Variants in NOL9 observed in about 807,000 individuals in gnomAD.
The protein encoded by NOL9 is nucleolar protein 9, also known as polynucleotide 5'-hydroxyl-kinase NOL9.
Under a neutral mutation model 67.9 loss-of-function variants are expected in NOL9, and 28 were observed. The ratio of observed to expected loss-of-function variants is 0.41; its 90% CI spans 0.31 to 0.57. The LOEUF (loss-of-function observed/expected upper bound fraction) is 0.57. NOL9 is among the 20% of genes least tolerant of loss of function. The pLI, the probability that NOL9 is intolerant of heterozygous loss-of-function variation, is 0.25. For synonymous variants in NOL9, 356 were observed against 352.2 expected (o/e 1.01, Z -0.12); for missense variants, 777 against 897.0 (o/e 0.87, Z 1.71).
intron 5 of NOL9, among the ~76,000 whole-genome samples, chr1:6,542,876 G>GCTAA (rs1639330012): frequency 6.6e-6 from 1 of 152,114 alleles, no homozygotes; most frequent in South Asian, 2.1e-4. Context: ...ACAGGCATGA[G>GCTAA]CTAACACTCA....
chr1:6,545,102 G>A lies in NOL9; in HGVS notation c.823C>T (p.Leu275Phe). 1.2e-6 allele frequency: 2 copies of A among 1,614,200 alleles called. No homozygotes were observed. The highest frequency in any genetic ancestry group is 1.7e-6 in the Non-Finnish European group (2 of 1,180,030). ...GIRREKKRKG[L>F]QLTESTLSAL... ...GAAAGGGTACTCTCAGTTAACTGAAGGCCTTTCCTTTTTTTCTCTCTTCTG... is the reference window on the plus strand; with the variant it reads ...GAAAGGGTACTCTCAGTTAACTGAAAGCCTTTCCTTTTTTTCTCTCTTCTG... Residue 275 changes from leucine to phenylalanine, a missense_variant, in exon 4 of 12, where the codon CTT becomes TTT. Coordinates refer to ENST00000377705, the MANE Select transcript of NOL9 (RefSeq NM_024654.5).
rs758243274 is a variant in NOL9, at chr1:6,530,170, T to C, written c.1648-999A>G. The stretch of plus-strand genomic sequence containing the variant: ...AACACTTAAATTTAAAAAATAAATG[T>C]GGGCCGGGTGCAGAGGACACGCCTG... On this transcript the variant is annotated intron_variant, in intron 9 of 11. Transcript: ENST00000377705. 7.8e-4 allele frequency among the ~76,000 whole-genome samples: 119 copies of C among 152,060 alleles called. 1 individual carries two copies. The highest frequency in any genetic ancestry group is 9.9e-4 in the Non-Finnish European group (67 of 67,960).
rs1030398975 is a variant in NOL9, at chr1:6,521,455, C to G, written c.*4399G>C. On this transcript the variant is annotated 3_prime_UTR_variant, in exon 12 of 12. Coordinates refer to ENST00000377705, the MANE Select transcript of NOL9 (RefSeq NM_024654.5). ...AAATACACACACACACAGCAGAACC[C>G]CAGCTGAGACACCTCACAGTGTCAG... is the stretch of plus-strand genomic sequence containing the variant. The G allele has an allele frequency of 1.3e-5, 2 of 152,170 alleles. No homozygotes were observed. The highest frequency in any genetic ancestry group is 4.8e-5 in the African/African-American group (2 of 41,444). The allele number at this position is 152,170 out of a possible 1,614,324, so 9.4% of individuals were successfully genotyped here.
chr1:6,554,338 G>A lies in NOL9; in HGVS notation c.165C>T (p.Ala55=). ...RRRLRWRLLQ[A]QASGVDWREG... Reference sequence around the variant, plus strand: ...CCCTCCAGTCCACGCCGGACGCCTGGGCTTGCAGTAACCGCCACCGTAGGC... The same window carrying A: ...CCCTCCAGTCCACGCCGGACGCCTGAGCTTGCAGTAACCGCCACCGTAGGC... The change falls in exon 1 of 12, where the codon GCC becomes GCT. Residue 55 remains alanine, a synonymous_variant. Coordinates refer to ENST00000377705, the MANE Select transcript of NOL9 (RefSeq NM_024654.5). 1.4e-6 allele frequency: 2 copies of A among 1,461,994 alleles called. No homozygotes were observed. Among genetic ancestry groups the A allele is most frequent in the Non-Finnish European group, 1.8e-6 (2 of 1,113,744 alleles). The allele number at this position is 1,461,994 out of a possible 1,614,324, so 90.6% of individuals were successfully genotyped here. A position where few individuals can be genotyped will look rare whatever the true frequency, so the allele number is the denominator to read the frequency against.
rs567303256 is a variant in NOL9, at chr1:6,525,783, G to C, written c.*71C>G. Reference sequence around the variant, plus strand: ...ATTCATGGCCATGAAACTCCATCATGTCTCTTGTGGTCAGGCTTGAGACAA... The same window carrying C: ...ATTCATGGCCATGAAACTCCATCATCTCTCTTGTGGTCAGGCTTGAGACAA... On this transcript the variant is annotated 3_prime_UTR_variant, in exon 12 of 12. Transcript: ENST00000377705. 1.3e-4 allele frequency: 205 copies of C among 1,526,182 alleles called. No individual in the cohort carries two copies. In the African/African-American group the frequency reaches 2.4e-3, roughly 18 times the overall value. 94.5% of individuals were successfully genotyped at this position (1,526,182 alleles called of 1,614,324 possible).
rs796928873 is a variant in NOL9, at chr1:6,522,372, A to G, written c.*3482T>C. On this transcript the variant is annotated 3_prime_UTR_variant, in exon 12 of 12. Transcript: ENST00000377705. Reference sequence around the variant, plus strand: ...CGAGACCAGCCTGACCAATAAAGTGAAACGCCATCTCTACTAAAAATACAA... The same window carrying G: ...CGAGACCAGCCTGACCAATAAAGTGGAACGCCATCTCTACTAAAAATACAA... The G allele has an allele frequency of 2.0e-5, 3 of 152,096 alleles. No individual in the cohort carries two copies. The highest frequency in any genetic ancestry group is 7.2e-5 in the African/African-American group (3 of 41,468). The allele number at this position is 152,096 out of a possible 1,614,324, so 9.4% of individuals were successfully genotyped here.
chr1:6,534,286 G>A (rs1639099620), intron 6 of NOL9, among the ~76,000 whole-genome samples: 2 of 152,242 alleles, frequency 1.3e-5, no homozygotes, highest in African/African-American at 4.8e-5. Context: ...AGGTCAGCCA[G>A]TCAGTAAACA....
At position 6,525,997 on chromosome 1, in the gene NOL9, T is replaced by A; in HGVS notation, c.1966A>T (p.Ile656Phe). 1 of 1,613,780 alleles carries A rather than the reference T, an allele frequency of 6.2e-7. No individual in the cohort carries two copies. Among genetic ancestry groups the A allele is most frequent in the South Asian group, 1.1e-5 (1 of 91,066 alleles). The change falls in exon 12 of 12, where the codon ATC becomes TTC. Residue 656 changes from isoleucine to phenylalanine, a missense_variant. By Grantham distance (21) the Ile-to-Phe change is conservative. This residue lies in a region of NOL9 where 413 missense variants were observed against 552.6 expected (regional missense o/e 0.75). Transcript: ENST00000377705. Reference sequence around the variant, plus strand: ...GTGACATAAGGTACTGTCCCTTCGATCCCACGCTGAAACGGAAACACAGAG... The same window carrying A: ...GTGACATAAGGTACTGTCCCTTCGAACCCACGCTGAAACGGAAACACAGAG... Reference protein sequence around the residue: ...PHCVLKCQRGIEGTVPYVTTD... With the variant: ...PHCVLKCQRGFEGTVPYVTTD...
intron 3 of NOL9, 73 bp downstream of exon 3, chr1:6,549,498 T>C: frequency 6.5e-7 from 1 of 1,547,438 alleles, no homozygotes; most frequent in South Asian, 1.2e-5. Flanking sequence ...CAAGACAACA[T>C]CCTACATAGT....
chr1:6,550,733 G>T, intron 1 of NOL9, 118 bp from the exon 2 acceptor site: 2 of 728,204 alleles, frequency 2.7e-6, no homozygotes, highest in Non-Finnish European at 4.4e-6. Context: ...GCCCAGGCTG[G>T]AGTACAATGG....
intron 1 of NOL9, among the ~76,000 whole-genome samples, chr1:6,550,871 C>A (rs1261057490): frequency 6.6e-6 from 1 of 151,988 alleles, no homozygotes; most frequent in African/African-American, 2.4e-5. Flanking sequence ...TTAATAAAGA[C>A]AGGGTTTCTC....
chr1:6,548,795 A>G (rs923459891), intron 3 of NOL9, among the ~76,000 whole-genome samples: 1 of 152,096 alleles, frequency 6.6e-6, no homozygotes, highest in African/African-American at 2.4e-5. Flanking sequence ...AAAAACCCCA[A>G]AAAAGGCCAG....
rs1380537777 is a variant in NOL9, at chr1:6,522,855, G to C, written c.*2999C>G. ...GCCGAGATCACTCCACTGCACCCCAGCCTGGGCGACAGAGCTAGACTCTGT... is the reference window on the plus strand; with the variant it reads ...GCCGAGATCACTCCACTGCACCCCACCCTGGGCGACAGAGCTAGACTCTGT... On this transcript the variant is annotated 3_prime_UTR_variant, in exon 12 of 12. Coordinates refer to ENST00000377705, the MANE Select transcript of NOL9 (RefSeq NM_024654.5). 7.5e-6 allele frequency: 1 copy of C among 133,980 alleles called. No individual in the cohort carries two copies. The highest frequency in any genetic ancestry group is 2.2e-4 in the East Asian group (1 of 4,530). The allele number at this position is 133,980 out of a possible 1,614,324, so 8.3% of individuals were successfully genotyped here. A position where few individuals can be genotyped will look rare whatever the true frequency, so the allele number is the denominator to read the frequency against.
Position 6,525,718 on chromosome 1 carries a change from C to T in NOL9, c.*136G>A. 2 of 884,776 alleles carry T rather than the reference C, an allele frequency of 2.3e-6. No homozygotes were observed. Among genetic ancestry groups the T allele is most frequent in the Non-Finnish European group, 3.6e-6 (2 of 559,210 alleles). 54.8% of individuals were successfully genotyped at this position (884,776 alleles called of 1,614,324 possible). A position where few individuals can be genotyped will look rare whatever the true frequency, so the allele number is the denominator to read the frequency against. On this transcript the variant is annotated 3_prime_UTR_variant, in exon 12 of 12. Transcript: ENST00000377705. ...AAACTTAAGACTACTATATGACATT[C>T]ACGAATTACACAAAAAACACTGTTG...
chr1:6,526,000 C>T lies in NOL9; in HGVS notation c.1963G>A (p.Gly655Arg), dbSNP rs1638875945. 6.2e-7 allele frequency: 1 copy of T among 1,613,810 alleles called. No individual in the cohort carries two copies. The highest frequency in any genetic ancestry group is 8.5e-7 in the Non-Finnish European group (1 of 1,179,768). ...IPHCVLKCQR[G>R]IEGTVPYVTT... ...ACATAAGGTACTGTCCCTTCGATCC[C>T]ACGCTGAAACGGAAACACAGAGAAT... The change falls in exon 12 of 12, where the codon GGG (glycine) becomes AGG (arginine). Residue 655 changes from glycine to arginine, a missense_variant. Gly to Arg is a moderately radical substitution (Grantham distance 125). Coordinates refer to ENST00000377705, the MANE Select transcript of NOL9 (RefSeq NM_024654.5).
Position 6,545,475 on chromosome 1 carries a change from C to T in NOL9, c.745-295G>A, listed in dbSNP as rs1639398721. ...GCACAGGAAACATTCAGCAGGAGGC[C>T]CTGGCTCTAGACCAGGTGAGTGATG... On this transcript the variant is annotated intron_variant, in intron 3 of 11. Coordinates refer to ENST00000377705, the MANE Select transcript of NOL9 (RefSeq NM_024654.5). Among the ~76,000 whole-genome samples, 7 of 152,158 alleles carry T rather than the reference C, an allele frequency of 4.6e-5. No homozygotes were observed. The South Asian group carries it at 1.5e-3, about 32-fold the overall frequency.
chr1:6,536,579 G>C (rs1269264706), intron 6 of NOL9, among the ~76,000 whole-genome samples: 4 of 152,004 alleles, frequency 2.6e-5, no homozygotes, highest in African/African-American at 7.3e-5. Context: ...TGTAATCTCA[G>C]GACTGTGGGA....
rs746445609 is a variant in NOL9 at position 6,526,800 on chromosome 1, G to A, written c.1855C>T (p.Arg619Trp). ...GICRGIDMEK[R>W]LYHILTPVPP... ...ACAGGGGTGAGGATGTGGTACAGCC[G>A]CTTCTCCATGTCAATGCCTCTACAG... Residue 619 changes from arginine (R) to tryptophan (W), a missense_variant, in exon 11 of 12, where the codon CGG becomes TGG. This residue lies in a region of NOL9 where 413 missense variants were observed against 552.6 expected (regional missense o/e 0.75). Coordinates refer to ENST00000377705, the MANE Select transcript of NOL9 (RefSeq NM_024654.5). 1.7e-5 allele frequency: 28 copies of A among 1,612,476 alleles called. No homozygotes were observed. The highest frequency in any genetic ancestry group is 4.4e-5 in the South Asian group (4 of 90,900).
chr1:6,529,007 G>C lies in NOL9; in HGVS notation c.1812C>G (p.Asp604Glu). 1 of 1,614,100 alleles carries C rather than the reference G, an allele frequency of 6.2e-7. No homozygotes were observed. The highest frequency in any genetic ancestry group is 1.1e-5 in the South Asian group (1 of 91,076). ...PILLAQTPIC[D>E]CLGFGICRGI... ...TCTCAGACTCACCAAAGCCCAAGCA[G>C]TCACAGATTGGAGTCTGGGCAAGCA... The change falls in exon 10 of 12, where the codon GAC (aspartate) becomes GAG (glutamate). Residue 604 changes from aspartate to glutamate, a missense_variant. By Grantham distance (45) the Asp-to-Glu change is conservative. This residue lies in a region of NOL9 where 413 missense variants were observed against 552.6 expected (regional missense o/e 0.75). Transcript: ENST00000377705.
Sources: allele counts gnomAD v4.1 joint callset (sites outside exome capture counted in the v4.1 genomes callset), GRCh38; gene constraint gnomAD v4.1.1; regional missense constraint gnomAD v4.1.1; transcripts MANE v1.5; gene names NCBI Gene and HGNC (gene_info 2026-07-23, HGNC 2026-07-21).